The following NBAS variants were observed in gnomAD, a reference collection of about 807,000 sequenced individuals.
NBAS encodes NAG/BC035112 fusion.
A neutral mutation model predicts 302.5 loss-of-function variants in NBAS; 219 were observed. The ratio of observed to expected loss-of-function variants is 0.72; its 90% CI spans 0.65 to 0.81. NBAS has a LOEUF of 0.81. Ranked by LOEUF, NBAS falls within the 30% of genes least tolerant of loss-of-function variation. The pLI is 0.00. For synonymous variants in NBAS, 1,118 were observed against 1,021.6 expected (o/e 1.09, Z -1.80); for missense variants, 2,932 against 2,841.6 (o/e 1.03, Z -0.72).
At chr2:14,808,343 G>A in the NBAS span, among the ~76,000 whole-genome samples, 1 of 152,214 alleles carries the variant, frequency 6.6e-6, no homozygotes, top group East Asian at 1.9e-4. Context: ...GACAGCTGGT[G>A]AAATGGTTTG....
intron 47 of NBAS, among the ~76,000 whole-genome samples, chr2:15,225,967 C>G (rs1667136106): frequency 6.6e-6 from 1 of 152,176 alleles, no homozygotes; most frequent in African/African-American, 2.4e-5. Context: ...CTGGGTATCA[C>G]TTGGGAGCTG....
chr2:15,117,642 T>C, the NBAS span, among the ~76,000 whole-genome samples: 4 of 152,344 alleles, frequency 2.6e-5, no homozygotes, highest in South Asian at 4.1e-4. Flanking sequence ...GATGAGCTGA[T>C]ACACTCTAAG....
intron 41 of NBAS, among the ~76,000 whole-genome samples, chr2:15,287,970 C>A (rs1264118515): frequency 6.6e-6 from 1 of 150,856 alleles, no homozygotes; most frequent in Admixed American, 6.6e-5. Flanking sequence ...GAGCACCGTG[C>A]GTAGGCAGCC....
rs192098012 is a variant in NBAS, at chr2:15,482,408, G to A, written c.1084-4119C>T. Among the ~76,000 whole-genome samples, 164 of 152,216 alleles carry A rather than the reference G, an allele frequency of 1.1e-3. 1 individual carries two copies. The highest frequency in any genetic ancestry group is 7.7e-4 in the East Asian group (4 of 5,184). On this transcript the variant is annotated intron_variant, in intron 12 of 51. Coordinates refer to ENST00000281513, the MANE Select transcript of NBAS (RefSeq NM_015909.4). ...GCTGGGATTACTGGAATGAGCCACC[G>A]CACCCAACCAGAGCCTTCATTTCTG...
At chr2:15,190,551 G>T in intron 48 of NBAS, 148 bp from the exon 49 acceptor site, 1 of 894,994 alleles carries the variant, frequency 1.1e-6, no homozygotes, top group Non-Finnish European at 1.7e-6. Context: ...CACCTCAAAA[G>T]CTCTAAGCCT....
At chr2:14,910,457 T>C in the NBAS span, among the ~76,000 whole-genome samples, 1 of 152,172 alleles carries the variant, frequency 6.6e-6, no homozygotes, top group Non-Finnish European at 1.5e-5. Flanking sequence ...GAGAGTTTCT[T>C]TTTCAGCGTC....
intron 21 of NBAS, among the ~76,000 whole-genome samples, chr2:15,429,252 T>C (rs11675921): frequency 0.51 from 76,903 of 151,848 alleles, 22,969 homozygotes; most frequent in Non-Finnish European, 0.67. Context: ...CATGAATCCA[T>C]GAAAACAACT....
chr2:14,937,190 TG>T, the NBAS span, among the ~76,000 whole-genome samples: 1 of 152,052 alleles, frequency 6.6e-6, no homozygotes, highest in Non-Finnish European at 1.5e-5. Flanking sequence ...CCATTACATA[TG>T]GGGGGTGGGG....
chr2:14,866,809 G>A, the NBAS span, among the ~76,000 whole-genome samples: 1 of 152,204 alleles, frequency 6.6e-6, no homozygotes, highest in African/African-American at 2.4e-5. Context: ...AACAATCAGA[G>A]CCAATGTCCA....
intron 35 of NBAS, among the ~76,000 whole-genome samples, chr2:15,349,507 G>A (rs1673250569): frequency 6.6e-6 from 1 of 152,192 alleles, no homozygotes; most frequent in African/African-American, 2.4e-5. Context: ...TCTGAAGGGA[G>A]TGAGTGCAAC....
chr2:15,479,310 G>A (rs548292910), intron 12 of NBAS, among the ~76,000 whole-genome samples: 7 of 152,120 alleles, frequency 4.6e-5, no homozygotes, highest in East Asian at 1.9e-4. Flanking sequence ...ACTAAGTTTC[G>A]AAAAATCATT....
chr2:14,889,410 T>C, the NBAS span, among the ~76,000 whole-genome samples: 1 of 152,196 alleles, frequency 6.6e-6, no homozygotes, highest in Non-Finnish European at 1.5e-5. Flanking sequence ...ACTCCACACT[T>C]CTGTGAGCAC....
chr2:14,797,448 G>C, the NBAS span, among the ~76,000 whole-genome samples: 9 of 152,204 alleles, frequency 5.9e-5, no homozygotes, highest in Non-Finnish European at 1.3e-4. Context: ...CCGTGGGTTG[G>C]AGCAAGGCGG....
At chr2:14,869,213 C>A in the NBAS span, among the ~76,000 whole-genome samples, 1 of 152,160 alleles carries the variant, frequency 6.6e-6, no homozygotes, top group East Asian at 1.9e-4. Context: ...CCAAGAACTT[C>A]CCCTTGCACC....
chr2:15,161,365 T>TA, the NBAS span, among the ~76,000 whole-genome samples: 35 of 152,178 alleles, frequency 2.3e-4, no homozygotes, highest in African/African-American at 8.2e-4. Flanking sequence ...AAAGGTGATG[T>TA]AAAAAAACGA....
the NBAS span, among the ~76,000 whole-genome samples, chr2:14,867,292 A>G: frequency 1.3e-5 from 2 of 152,186 alleles, no homozygotes; most frequent in African/African-American, 4.8e-5. Flanking sequence ...TTGTCTCTAC[A>G]TCATGGCTCA....
chr2:14,956,104 G>T, the NBAS span, among the ~76,000 whole-genome samples: 272 of 152,232 alleles, frequency 1.8e-3, no homozygotes, highest in Non-Finnish European at 3.4e-3. Context: ...TCAGTTCAAA[G>T]TTCCACAGAT....
the NBAS span, among the ~76,000 whole-genome samples, chr2:14,784,980 C>T: frequency 6.6e-6 from 1 of 152,128 alleles, no homozygotes; most frequent in Non-Finnish European, 1.5e-5. Flanking sequence ...TTCTTTGTAT[C>T]CTCTTTTATT....
At chr2:15,397,603 T>A (rs62120513) in intron 26 of NBAS, 401,206 of 604,088 alleles carry the variant, frequency 0.66, 136,446 homozygotes, top group Middle Eastern at 0.72. Context: ...GCACATAGGT[T>A]TCAAAGACGC....
Sources: gnomAD v4.1 joint callset for allele counts (sites outside exome capture counted in the v4.1 genomes callset) on GRCh38, gnomAD v4.1.1 for gene constraint, MANE v1.5 for transcripts, NCBI Gene and HGNC (gene_info 2026-07-23, HGNC 2026-07-21) for gene names.